FOXP2: variants seen among roughly 807,000 people sequenced by gnomAD.
FOXP2 encodes the protein forkhead box protein P2.
Under a neutral mutation model 115.8 loss-of-function variants are expected in FOXP2, and 12 were observed. The ratio of observed to expected loss-of-function variants is 0.10; its 90% CI spans 0.07 to 0.17. The LOEUF (loss-of-function observed/expected upper bound fraction) is 0.17, where lower values mean the gene tolerates loss of function less well. FOXP2 is among the 10% of genes least tolerant of loss of function. The probability of loss-of-function intolerance (pLI) is 1.00; values close to 1 mark genes in which losing one functional copy is unlikely to be tolerated. For synonymous variants in FOXP2, 328 were observed against 297.7 expected (o/e 1.10, Z -1.05); for missense variants, 629 against 843.5 (o/e 0.75, Z 3.15).
chr7:114,548,870 T>C (rs969482417), intron 3 of FOXP2, among the ~76,000 whole-genome samples: 1 of 152,156 alleles, frequency 6.6e-6, no homozygotes, highest in Non-Finnish European at 1.5e-5. Context: ...CAAATGTTTT[T>C]TGAAGGGTGG....
At chr7:114,089,766 G>A (rs1340248945) in intron 1 of FOXP2, among the ~76,000 whole-genome samples, 1 of 151,936 alleles carries the variant, frequency 6.6e-6, no homozygotes, top group Non-Finnish European at 1.5e-5. Context: ...TATATGTACA[G>A]GTAATCTGTA....
At chr7:114,167,609 G>T (rs1793016121) in intron 1 of FOXP2, among the ~76,000 whole-genome samples, 1 of 152,032 alleles carries the variant, frequency 6.6e-6, no homozygotes, top group Admixed American at 6.6e-5. Context: ...TCTCGTGATG[G>T]TGGATACGTC....
At chr7:114,154,053 T>G (rs557714157) in intron 1 of FOXP2, among the ~76,000 whole-genome samples, 2 of 152,272 alleles carry the variant, frequency 1.3e-5, no homozygotes, top group South Asian at 4.1e-4. Context: ...CTAGTTCAAC[T>G]GATCTGCATT....
At chr7:114,512,996 C>CA (rs1398901042) in intron 2 of FOXP2, among the ~76,000 whole-genome samples, 4 of 151,992 alleles carry the variant, frequency 2.6e-5, no homozygotes, top group Non-Finnish European at 5.9e-5. Flanking sequence ...GCAGGAGAAT[C>CA]ACTTGAACCC....
At chr7:114,646,655 A>G (rs1432115992) in intron 8 of FOXP2, among the ~76,000 whole-genome samples, 1 of 151,984 alleles carries the variant, frequency 6.6e-6, no homozygotes, top group Admixed American at 6.6e-5. Context: ...CTTTAGATTC[A>G]CTAACTCAAA....
chr7:114,246,938 C>T (rs1225866953), intron 1 of FOXP2, among the ~76,000 whole-genome samples: 1 of 152,160 alleles, frequency 6.6e-6, no homozygotes, highest in Non-Finnish European at 1.5e-5. Flanking sequence ...TATTGTATCA[C>T]ATAGAATTGT....
intron 1 of FOXP2, among the ~76,000 whole-genome samples, chr7:114,174,003 A>C (rs757254687): frequency 6.6e-6 from 1 of 152,012 alleles, no homozygotes; most frequent in African/African-American, 2.4e-5. Context: ...AAAAATACTA[A>C]TAATAATTTC....
intron 1 of FOXP2, among the ~76,000 whole-genome samples, chr7:114,105,495 A>T (rs1791086603): frequency 6.6e-6 from 1 of 152,050 alleles, no homozygotes; most frequent in South Asian, 2.1e-4. Flanking sequence ...AATTTAGTTT[A>T]TTTATTTTAA....
In FOXP2 at chr7:114,636,229, C is replaced by A. The variant is rs144841091; in HGVS notation, c.775+4524C>A. On this transcript the variant is annotated intron_variant, in intron 6 of 16. Coordinates refer to ENST00000350908, the MANE Select transcript of FOXP2 (RefSeq NM_014491.4). ...AGAAGAGATATGGGTATCCAGAGGT[C>A]AAGGCTGGTAGGGAAGTTTACTTTT... Among the ~76,000 whole-genome samples the A allele has an allele frequency of 2.9e-3, 439 of 152,058 alleles. 1 individual carries two copies. Among genetic ancestry groups the A allele is most frequent in the African/African-American group, 0.01 (421 of 41,540 alleles).
intron 2 of FOXP2, among the ~76,000 whole-genome samples, chr7:114,457,432 G>A (rs1239052215): frequency 2.0e-5 from 3 of 151,524 alleles, no homozygotes; most frequent in African/African-American, 4.9e-5. Context: ...TGAATATCAT[G>A]TTTCTTCTCA....
intron 1 of FOXP2, among the ~76,000 whole-genome samples, chr7:114,211,658 T>C (rs1794353681): frequency 6.6e-6 from 1 of 152,210 alleles, no homozygotes; most frequent in Non-Finnish European, 1.5e-5. Context: ...TTAATCAGTG[T>C]TAGAAAAATT....
chr7:114,438,680 TTGGAAATTAAAAACTG>T (rs1266105293), intron 2 of FOXP2, among the ~76,000 whole-genome samples: 2 of 152,052 alleles, frequency 1.3e-5, no homozygotes, highest in African/African-American at 4.8e-5. Context: ...GAAGAATAAT[TTGGAAATTAAAAACTG>T]TGCACAGAAA....
intron 16 of FOXP2, among the ~76,000 whole-genome samples, chr7:114,687,372 T>A (rs572579266): frequency 1.3e-5 from 2 of 152,338 alleles, no homozygotes; most frequent in East Asian, 3.9e-4. Flanking sequence ...AATATGCAAG[T>A]GTCTCATTCC....
rs1368555755 is a variant in FOXP2, at chr7:114,692,154, A to G, written c.*2228A>G. 2 of 453,950 alleles carry G rather than the reference A, an allele frequency of 4.4e-6. No homozygotes were observed. The highest frequency in any genetic ancestry group is 1.6e-5 in the South Asian group (1 of 64,462). 28.1% of individuals were successfully genotyped at this position (453,950 alleles called of 1,614,324 possible). A position where few individuals can be genotyped will look rare whatever the true frequency, so the allele number is the denominator to read the frequency against. On this transcript the variant is annotated 3_prime_UTR_variant, in exon 17 of 17. Transcript: ENST00000350908. ...TACTGTAAGGATTATCTGAAAGGAA[A>G]AATGGGTCTTTCAGGTGCATGTTCA... is the stretch of plus-strand genomic sequence containing the variant.
chr7:114,089,930 T>C (rs572535214), intron 1 of FOXP2, among the ~76,000 whole-genome samples: 3 of 152,082 alleles, frequency 2.0e-5, no homozygotes, highest in African/African-American at 2.4e-5. Flanking sequence ...CATGTAACAG[T>C]ATAGTGAATG....
At chr7:114,328,730 C>T (rs1797622498) in intron 2 of FOXP2, among the ~76,000 whole-genome samples, 1 of 152,178 alleles carries the variant, frequency 6.6e-6, no homozygotes. Flanking sequence ...TACTGAAATA[C>T]ATGCCCTATA....
chr7:114,156,798 G>C (rs570748880), intron 1 of FOXP2, among the ~76,000 whole-genome samples: 1 of 152,140 alleles, frequency 6.6e-6, no homozygotes, highest in Non-Finnish European at 1.5e-5. Flanking sequence ...GTGGGCCTTA[G>C]GAAAGACATT....
At chr7:114,515,205 T>C (rs1235251606) in intron 2 of FOXP2, among the ~76,000 whole-genome samples, 3 of 149,130 alleles carry the variant, frequency 2.0e-5, no homozygotes, top group African/African-American at 5.0e-5. Flanking sequence ...TATAGCAGCA[T>C]GATTTATAGT....
intron 1 of FOXP2, among the ~76,000 whole-genome samples, chr7:114,251,176 A>T (rs1452430513): frequency 2.0e-5 from 3 of 151,694 alleles, no homozygotes; most frequent in South Asian, 4.2e-4. Flanking sequence ...TGGTACCAGT[A>T]CCATGCTGTT....
Sources: gnomAD v4.1 joint callset for allele counts (sites outside exome capture counted in the v4.1 genomes callset) on GRCh38, gnomAD v4.1.1 for gene constraint, MANE v1.5 for transcripts, NCBI Gene and HGNC (gene_info 2026-07-23, HGNC 2026-07-21) for gene names.